Variants in SGCZ observed in about 807,000 individuals in gnomAD.
SGCZ encodes sarcoglycan zeta.
In SGCZ, 40 loss-of-function variants were observed where a neutral mutation model predicts 41.3. That is an observed-to-expected ratio of 0.97 (90% CI 0.75 to 1.26). The LOEUF is 1.26. Ranked by LOEUF, SGCZ falls within the 50% of genes most tolerant of loss-of-function variation. The probability of loss-of-function intolerance (pLI) is 0.00; values close to 1 mark genes in which losing one functional copy is unlikely to be tolerated. For missense variants in SGCZ, 552 were observed against 369.8 expected (o/e 1.49, Z -4.04); for synonymous variants, 206 against 137.5 (o/e 1.50, Z -3.49).
At chr8:14,325,265 A>C (rs1242736047) in intron 2 of SGCZ, among the ~76,000 whole-genome samples, 2 of 152,032 alleles carry the variant, frequency 1.3e-5, no homozygotes, top group African/African-American at 4.8e-5. Flanking sequence ...GTGGAAGAAA[A>C]ATTTACAGAC....
At chr8:14,980,316 G>A (rs145523951) in intron 1 of SGCZ, among the ~76,000 whole-genome samples, 1 of 152,304 alleles carries the variant, frequency 6.6e-6, no homozygotes, top group Non-Finnish European at 1.5e-5. Flanking sequence ...AAGTAAGAAG[G>A]AATCTACTCA....
chr8:14,577,449 C>T (rs908954758), intron 1 of SGCZ, among the ~76,000 whole-genome samples: 12 of 134,476 alleles, frequency 8.9e-5, no homozygotes, highest in African/African-American at 1.4e-4. Context: ...AGTATAGTGG[C>T]GCAATCTCGG....
At chr8:14,926,096 T>C (rs1340504361) in intron 1 of SGCZ, among the ~76,000 whole-genome samples, 1 of 152,174 alleles carries the variant, frequency 6.6e-6, no homozygotes, top group Non-Finnish European at 1.5e-5. Context: ...TATAGGACAA[T>C]CCCTAAGAAG....
At chr8:14,586,459 C>A (rs978607649) in intron 1 of SGCZ, among the ~76,000 whole-genome samples, 13 of 152,188 alleles carry the variant, frequency 8.5e-5, no homozygotes, top group African/African-American at 2.7e-4. Context: ...GCAATCTGCC[C>A]GCCTAGGCTT....
intron 1 of SGCZ, among the ~76,000 whole-genome samples, chr8:15,060,535 G>A (rs186543470): frequency 1.4e-3 from 165 of 116,226 alleles, no homozygotes; most frequent in African/African-American, 4.9e-3. Context: ...GGGGGGAGGG[G>A]GGAGGGATAG....
chr8:14,908,739 G>A (rs1222815628), intron 1 of SGCZ, among the ~76,000 whole-genome samples: 4 of 85,276 alleles, frequency 4.7e-5, no homozygotes, highest in Non-Finnish European at 8.3e-5. Context: ...ATCTGTCACC[G>A]TTGCAAAAAA....
chr8:15,162,296 T>A (rs1244034404), intron 1 of SGCZ, among the ~76,000 whole-genome samples: 1 of 152,146 alleles, frequency 6.6e-6, no homozygotes, highest in African/African-American at 2.4e-5. Flanking sequence ...GGAATTTTTT[T>A]AAAAAACGGC....
At chr8:14,692,220 C>T (rs1381288502) in intron 1 of SGCZ, among the ~76,000 whole-genome samples, 1 of 151,850 alleles carries the variant, frequency 6.6e-6, no homozygotes, top group African/African-American at 2.4e-5. Context: ...ATTTCAAACA[C>T]TTAAATCATT....
intron 1 of SGCZ, among the ~76,000 whole-genome samples, chr8:14,913,229 T>G (rs1429080994): frequency 6.6e-6 from 1 of 152,122 alleles, no homozygotes; most frequent in Non-Finnish European, 1.5e-5. Flanking sequence ...AAGACATATT[T>G]GCATGAACTT....
At chr8:14,208,363 G>A (rs1805685719) in intron 4 of SGCZ, among the ~76,000 whole-genome samples, 2 of 152,252 alleles carry the variant, frequency 1.3e-5, no homozygotes, top group Middle Eastern at 3.4e-3. Context: ...ACATTCACAA[G>A]GTAGTAATTT....
chr8:14,581,954 T>C (rs376015316), intron 1 of SGCZ, among the ~76,000 whole-genome samples: 4 of 152,058 alleles, frequency 2.6e-5, no homozygotes, highest in Admixed American at 1.3e-4. Flanking sequence ...CTCTCATGCT[T>C]CCCATTCCAC....
At chr8:14,648,215 C>T (rs949648308) in intron 1 of SGCZ, among the ~76,000 whole-genome samples, 1 of 152,056 alleles carries the variant, frequency 6.6e-6, no homozygotes, top group Non-Finnish European at 1.5e-5. Flanking sequence ...AAAAATATTA[C>T]AAACTTTAAA....
chr8:15,154,633 A>G (rs1361936956), intron 1 of SGCZ, among the ~76,000 whole-genome samples: 1 of 152,248 alleles, frequency 6.6e-6, no homozygotes, highest in Admixed American at 6.5e-5. Flanking sequence ...GTAACAGGTG[A>G]TCAATATTTT....
intron 5 of SGCZ, among the ~76,000 whole-genome samples, chr8:14,154,595 A>G (rs182630225): frequency 1.2e-3 from 183 of 152,300 alleles, no homozygotes; most frequent in Non-Finnish European, 1.8e-3. Context: ...TCATGTGCAT[A>G]ATTTTTAAAA....
At chr8:14,093,590 A>T (rs2116957497) in intron 7 of SGCZ, among the ~76,000 whole-genome samples, 1 of 152,088 alleles carries the variant, frequency 6.6e-6, no homozygotes, top group African/African-American at 2.4e-5. Context: ...GAGTGGGGGG[A>T]GATATTAACT....
chr8:14,795,936 T>C (rs560770008), intron 1 of SGCZ, among the ~76,000 whole-genome samples: 1 of 152,318 alleles, frequency 6.6e-6, no homozygotes, highest in South Asian at 2.1e-4. Flanking sequence ...TTTGGTTTTC[T>C]GTTCCTGTGT....
intron 1 of SGCZ, among the ~76,000 whole-genome samples, chr8:14,743,119 A>C (rs573347647): frequency 2.2e-3 from 333 of 152,238 alleles, no homozygotes; most frequent in Non-Finnish European, 3.6e-3. Context: ...CTTTAAGAAT[A>C]AATTTTTCTA....
intron 2 of SGCZ, among the ~76,000 whole-genome samples, chr8:14,404,741 T>G (rs1799165354): frequency 6.6e-6 from 1 of 152,186 alleles, no homozygotes; most frequent in African/African-American, 2.4e-5. Context: ...CTGTTTGCTC[T>G]CAGATCTGTG....
intron 3 of SGCZ, among the ~76,000 whole-genome samples, chr8:14,277,451 A>G (rs1800275214): frequency 6.6e-6 from 1 of 152,108 alleles, no homozygotes; most frequent in South Asian, 2.1e-4. Flanking sequence ...CTAGACCAAA[A>G]GTGCTCCTAA....
Sources: gnomAD v4.1 joint callset for allele counts (sites outside exome capture counted in the v4.1 genomes callset) on GRCh38, gnomAD v4.1.1 for gene constraint, MANE v1.5 for transcripts, NCBI Gene and HGNC (gene_info 2026-07-23, HGNC 2026-07-21) for gene names.